MINDY4: variants seen among roughly 807,000 people sequenced by gnomAD.
MINDY4 encodes the protein probable ubiquitin carboxyl-terminal hydrolase MINDY-4.
In MINDY4, 68 loss-of-function variants were observed where a neutral mutation model predicts 87.0. That is an observed-to-expected ratio of 0.78 (90% CI 0.64 to 0.96). MINDY4 has a LOEUF of 0.96. Among genes scored for constraint, MINDY4 ranks in the 40% least tolerant of loss-of-function variants. The probability of loss-of-function intolerance (pLI) is 0.00; values close to 1 mark genes in which losing one functional copy is unlikely to be tolerated. For missense variants in MINDY4, 919 were observed against 928.2 expected (o/e 0.99, Z 0.13); for synonymous variants, 379 against 363.2 (o/e 1.04, Z -0.50).
chr7:30,858,811 AGTGTGCT>A (rs1789659087), intron 12 of MINDY4: 1 of 364,796 alleles, frequency 2.7e-6, no homozygotes, highest in African/African-American at 2.1e-5. Flanking sequence ...CTGGAGTCCC[AGTGTGCT>A]GCTGACAAGC....
Position 30,872,325 on chromosome 7 carries a change from G to A in MINDY4, c.1809+19G>A, listed in dbSNP as rs1008308318. 5 of 1,612,682 alleles carry A rather than the reference G, an allele frequency of 3.1e-6. No homozygotes were observed. The African/African-American group carries it at 5.3e-5, about 17-fold the overall frequency. ...TACACAGGTCAGGGGGCGCTGTGGG[G>A]CCCAGGTGGTCCTTCCCCCTCCTCT... On this transcript the variant is annotated intron_variant, in intron 14 of 17. Coordinates refer to ENST00000265299, the MANE Select transcript of MINDY4 (RefSeq NM_032222.3).
chr7:30,773,576 C>T (rs1336441400), intron 1 of MINDY4, among the ~76,000 whole-genome samples: 2 of 152,156 alleles, frequency 1.3e-5, no homozygotes, highest in East Asian at 1.9e-4. Flanking sequence ...TCATGATAGT[C>T]TCCTGGAGAT....
intron 5 of MINDY4, among the ~76,000 whole-genome samples, chr7:30,826,600 G>A (rs1185278548): frequency 2.0e-5 from 3 of 152,220 alleles, no homozygotes; most frequent in Non-Finnish European, 2.9e-5. Context: ...AGATCATGGA[G>A]AGCCTTGCAG....
chr7:30,797,269 C>T (rs932729567), intron 5 of MINDY4, among the ~76,000 whole-genome samples: 2 of 152,182 alleles, frequency 1.3e-5, no homozygotes, highest in African/African-American at 4.8e-5. Context: ...CTTCCACTTC[C>T]AGTGAGACGA....
intron 6 of MINDY4, among the ~76,000 whole-genome samples, chr7:30,829,630 G>A (rs1041825888): frequency 1.3e-5 from 2 of 152,194 alleles, no homozygotes; most frequent in East Asian, 1.9e-4. Context: ...TCTGAGCTGC[G>A]GAGGTGGAGG....
chr7:30,880,962 G>T lies in MINDY4; in HGVS notation c.1972-1219G>T, dbSNP rs529248134. ...TGTCAGAGACATCCCAGATCAAGAT[G>T]GGAGCTGCTCACCCACTCTCCTGTA... On this transcript the variant is annotated intron_variant, in intron 15 of 17. Coordinates refer to ENST00000265299, the MANE Select transcript of MINDY4 (RefSeq NM_032222.3). Among the ~76,000 whole-genome samples, 3 of 152,294 alleles carry T rather than the reference G, an allele frequency of 2.0e-5. No homozygotes were observed. In the South Asian group the frequency reaches 6.2e-4, roughly 32 times the overall value.
At chr7:30,884,606 G>C (rs1486624373) in intron 17 of MINDY4, among the ~76,000 whole-genome samples, 1 of 152,168 alleles carries the variant, frequency 6.6e-6, no homozygotes. Flanking sequence ...TGGACTCCTG[G>C]GACCCTCTCT....
intron 17 of MINDY4, among the ~76,000 whole-genome samples, chr7:30,891,338 A>G (rs765374873): frequency 1.9e-4 from 29 of 152,320 alleles, no homozygotes; most frequent in Non-Finnish European, 3.7e-4. Context: ...TCGTTTTGCA[A>G]CTGAACTGTT....
At chr7:30,832,595 T>A (rs1231689855) in intron 6 of MINDY4, among the ~76,000 whole-genome samples, 1 of 152,200 alleles carries the variant, frequency 6.6e-6, no homozygotes, top group African/African-American at 2.4e-5. Context: ...CTCCGCCCTC[T>A]GTTTCCTGGG....
At chr7:30,822,632 T>TTTATTTATTTATTTATTTAG (rs1439856311) in intron 5 of MINDY4, among the ~76,000 whole-genome samples, 1 of 151,030 alleles carries the variant, frequency 6.6e-6, no homozygotes, top group Non-Finnish European at 1.5e-5. Flanking sequence ...GTCTATTTTA[T>TTTATTTATTTATTTATTTAG]TTATTTATTT....
chr7:30,798,836 G>T (rs574971624), intron 5 of MINDY4, among the ~76,000 whole-genome samples: 2 of 152,178 alleles, frequency 1.3e-5, no homozygotes, highest in African/African-American at 4.8e-5. Context: ...GTGTTTCTTT[G>T]TGAACTGGCC....
intron 6 of MINDY4, among the ~76,000 whole-genome samples, chr7:30,829,629 C>T (rs1013148086): frequency 1.3e-5 from 2 of 152,146 alleles, no homozygotes; most frequent in African/African-American, 2.4e-5. Context: ...CTCTGAGCTG[C>T]GGAGGTGGAG....
At chr7:30,796,107 G>T (rs1584248112) in intron 5 of MINDY4, among the ~76,000 whole-genome samples, 1 of 140,276 alleles carries the variant, frequency 7.1e-6, no homozygotes, top group East Asian at 2.0e-4. Flanking sequence ...GCAGCTGTTT[G>T]TTGGAGCACT....
At chr7:30,853,510 T>C (rs1789482144) in intron 12 of MINDY4, 51 bp downstream of exon 12, 1 of 1,448,838 alleles carries the variant, frequency 6.9e-7, no homozygotes, top group Non-Finnish European at 9.6e-7. Context: ...AGCCTTCTGA[T>C]TTCACTGTGG....
At chr7:30,811,892 G>A (rs149713275) in intron 5 of MINDY4, among the ~76,000 whole-genome samples, 241 of 152,288 alleles carry the variant, frequency 1.6e-3, no homozygotes, top group African/African-American at 5.5e-3. Context: ...TGTTGGAGAC[G>A]TGAGTCTTGC....
At chr7:30,863,273 G>C (rs10215211) in intron 13 of MINDY4, among the ~76,000 whole-genome samples, 18,336 of 152,242 alleles carry the variant, frequency 0.12, 2,637 homozygotes, top group African/African-American at 0.34. Flanking sequence ...CAGTTCAGCT[G>C]GAGAGAAGCA....
intron 2 of MINDY4, 74 bp from the exon 3 acceptor site, chr7:30,781,903 G>A (rs529787879): frequency 2.4e-5 from 24 of 1,017,478 alleles, no homozygotes; most frequent in African/African-American, 2.1e-4. Flanking sequence ...TCAAAGAAGT[G>A]GAATAGTTGT....
chr7:30,823,171 C>G (rs1788393269), intron 5 of MINDY4, among the ~76,000 whole-genome samples: 1 of 152,102 alleles, frequency 6.6e-6, no homozygotes, highest in South Asian at 2.1e-4. Context: ...TTGGATCACT[C>G]TGTTAACGTG....
rs1220405738 is a variant in MINDY4 at position 30,791,254 on chromosome 7, CT to C, written c.756del (p.Phe252LeufsTer27). On this transcript the variant is annotated frameshift_variant, in exon 5 of 18. Coordinates refer to ENST00000265299, the MANE Select transcript of MINDY4 (RefSeq NM_032222.3). LOFTEE classifies it high-confidence loss of function. Reference sequence around the variant, plus strand: ...AAGAGAGCCGGAAGGTCCCTGAGCTCTTTGTCTGCACCCAACAGGACATTCT... The same window carrying C: ...AAGAGAGCCGGAAGGTCCCTGAGCTCTTGTCTGCACCCAACAGGACATTCT... ...QEESRKVPEL[F>X]VCTQQDILAS... 1 of 1,614,148 alleles carries C rather than the reference CT, an allele frequency of 6.2e-7. No individual in the cohort carries two copies. Among genetic ancestry groups the C allele is most frequent in the Admixed American group, 1.7e-5 (1 of 60,014 alleles).
Sources: gnomAD v4.1 joint callset for allele counts (sites outside exome capture counted in the v4.1 genomes callset) on GRCh38, gnomAD v4.1.1 for gene constraint, MANE v1.5 for transcripts, NCBI Gene and HGNC (gene_info 2026-07-23, HGNC 2026-07-21) for gene names.